Variants in SORCS1 observed in about 807,000 individuals in gnomAD.
SORCS1 encodes the protein sortilin related VPS10 domain containing receptor 1.
Under a neutral mutation model 146.1 loss-of-function variants are expected in SORCS1, and 60 were observed. The ratio of observed to expected loss-of-function variants is 0.41; its 90% CI spans 0.33 to 0.51. The LOEUF (loss-of-function observed/expected upper bound fraction) is 0.51, where lower values mean the gene tolerates loss of function less well. Among genes scored for constraint, SORCS1 ranks in the 20% least tolerant of loss-of-function variants. The pLI is 0.21. For synonymous variants in SORCS1, 637 were observed against 584.0 expected, an observed-to-expected ratio of 1.09 and a Z score of -1.31; for missense variants, 1,352 against 1,487.6, an observed-to-expected ratio of 0.91 and a Z score of 1.50.
chr10:107,150,893 A>T (rs1206511524), intron 1 of SORCS1, among the ~76,000 whole-genome samples: 3 of 152,202 alleles, frequency 2.0e-5, no homozygotes, highest in Admixed American at 6.5e-5. Context: ...GCCATGCTGA[A>T]CTGTGAGTCA....
At chr10:106,753,716 G>A (rs1289897405) in intron 5 of SORCS1, among the ~76,000 whole-genome samples, 7 of 151,956 alleles carry the variant, frequency 4.6e-5, no homozygotes, top group African/African-American at 7.3e-5. Context: ...AAGGACTAGC[G>A]GTGAGGCCCA....
At chr10:107,162,826 G>A (rs925643732) in intron 1 of SORCS1, among the ~76,000 whole-genome samples, 3 of 152,204 alleles carry the variant, frequency 2.0e-5, no homozygotes, top group South Asian at 2.1e-4. Context: ...TCCAGACTGC[G>A]TAAATTGTGC....
At chr10:106,945,384 C>T (rs1281742892) in intron 2 of SORCS1, among the ~76,000 whole-genome samples, 1 of 152,064 alleles carries the variant, frequency 6.6e-6, no homozygotes, top group Non-Finnish European at 1.5e-5. Context: ...ACTCAAATAG[C>T]ACTTAATTTT....
intron 2 of SORCS1, among the ~76,000 whole-genome samples, chr10:106,904,196 T>C (rs1158933523): frequency 6.6e-6 from 1 of 152,226 alleles, no homozygotes; most frequent in Non-Finnish European, 1.5e-5. Context: ...ATTATTTATC[T>C]TATAGGTGGT....
rs545972222 is a variant in SORCS1, at chr10:106,926,890, G to C, written c.626+29623C>G. Among the ~76,000 whole-genome samples the C allele has an allele frequency of 1.7e-3, 264 of 151,090 alleles. 4 individuals carry two copies. The highest frequency in any genetic ancestry group is 5.7e-3 in the African/African-American group (233 of 40,794). On this transcript the variant is annotated intron_variant, in intron 2 of 25. Coordinates refer to ENST00000263054, the MANE Select transcript of SORCS1 (RefSeq NM_052918.5). ...ACAGAGAGAGAGAGAGAGAGAGAGA[G>C]AGAGAGAGAATGACAAATGTCTATG...
chr10:106,652,476 C>T lies in SORCS1; in HGVS notation c.2381G>A (p.Gly794Glu), dbSNP rs201480034. The T allele has an allele frequency of 4.8e-5, 77 of 1,613,998 alleles. No individual in the cohort carries two copies. In the African/African-American group the frequency reaches 9.2e-4, roughly 19 times the overall value. The change falls in exon 18 of 26, where the codon GGG (glycine) becomes GAG (glutamate). Residue 794 changes from glycine (G) to glutamate (E), a missense_variant. Gly to Glu is a moderately conservative substitution (Grantham distance 98, BLOSUM62 -2). Around this residue, in one of 3 missense-constraint regions of SORCS1, gnomAD observed 648 missense variants for 793.8 expected, o/e 0.82. Transcript: ENST00000263054. ...TATCCGCAGCCCCCGCGGGGCTTTC[C>T]CTGGGCACTTCTGCGGTTTGGCAGT... ...QYTAKPQKCP[G>E]KAPRGLRIVT...
chr10:106,734,262 G>T (rs1348961994), intron 5 of SORCS1, among the ~76,000 whole-genome samples: 1 of 152,086 alleles, frequency 6.6e-6, no homozygotes, highest in Non-Finnish European at 1.5e-5. Context: ...TGTACATCCT[G>T]GTGTCTGCCT....
rs1314005396 is a variant in SORCS1 at position 106,927,043 on chromosome 10, G to A, written c.626+29470C>T. On this transcript the variant is annotated intron_variant, in intron 2 of 25. Transcript: ENST00000263054. ...TGTCACCACAGTTTTTTGGAGGTAG[G>A]TACTTGGATGAGAGTGACAGGATAG... Among the ~76,000 whole-genome samples the A allele has an allele frequency of 2.0e-5, 3 of 152,094 alleles. No homozygotes were observed. The East Asian group carries it at 5.8e-4, about 29-fold the overall frequency.
At chr10:106,822,956 T>C (rs1170210390) in intron 3 of SORCS1, among the ~76,000 whole-genome samples, 1 of 151,952 alleles carries the variant, frequency 6.6e-6, no homozygotes, top group Non-Finnish European at 1.5e-5. Flanking sequence ...AATTTTTTTG[T>C]ATTTTTAGTA....
At position 106,688,226 on chromosome 10, in the gene SORCS1, G is replaced by C; in HGVS notation, c.1526C>G (p.Thr509Arg). The change falls in exon 10 of 26, where the codon ACG (threonine) becomes AGG (arginine). Residue 509 changes from threonine (T) to arginine (R), a missense_variant. Around this residue, in one of 3 missense-constraint regions of SORCS1, gnomAD observed 648 missense variants for 793.8 expected, o/e 0.82. Transcript: ENST00000263054. ...GTGCACGGGGTCCCCCCTTAGATCCGTGTCCGGCGCCTGCAGCAAACGCCA... is the reference window on the plus strand; with the variant it reads ...GTGCACGGGGTCCCCCCTTAGATCCCTGTCCGGCGCCTGCAGCAAACGCCA... The part of the protein sequence containing the change: ...RDWRLLQAPD[T>R]DLRGDPVHCL... The C allele has an allele frequency of 1.2e-6, 2 of 1,613,962 alleles. No homozygotes were observed. The highest frequency in any genetic ancestry group is 2.2e-5 in the South Asian group (2 of 91,066).
intron 1 of SORCS1, among the ~76,000 whole-genome samples, chr10:107,156,122 T>C (rs1012553149): frequency 1.3e-5 from 2 of 152,144 alleles, no homozygotes; most frequent in African/African-American, 2.4e-5. Flanking sequence ...CCCCCCAAGA[T>C]ATGTCATTCA....
intron 17 of SORCS1, among the ~76,000 whole-genome samples, chr10:106,662,196 A>AATCC (rs1333553890): frequency 6.6e-6 from 1 of 152,246 alleles, no homozygotes; most frequent in Non-Finnish European, 1.5e-5. Flanking sequence ...GGGCACAATA[A>AATCC]TAACCGATGC....
chr10:107,034,707 A>AAAAAAAAAAAAAAAAAAAAAAAAT (rs1958819089), intron 1 of SORCS1, among the ~76,000 whole-genome samples: 1 of 146,238 alleles, frequency 6.8e-6, no homozygotes, highest in African/African-American at 2.5e-5. Flanking sequence ...AAAAAAAAAA[A>AAAAAAAAAAAAAAAAAAAAAAAAT]CAATGTTCAT....
At chr10:106,620,661 A>C (rs774118975) in intron 19 of SORCS1, 100 bp from the exon 20 acceptor site, 170 of 1,416,054 alleles carry the variant, frequency 1.2e-4, no homozygotes, top group Non-Finnish European at 1.5e-4. Flanking sequence ...TGAAGCCCCC[A>C]AAACCTGGCT....
intron 16 of SORCS1, among the ~76,000 whole-genome samples, chr10:106,670,797 G>A (rs1365424301): frequency 2.0e-5 from 3 of 151,330 alleles, no homozygotes; most frequent in South Asian, 2.1e-4. Context: ...GGGTTCAAGC[G>A]ATTCTCCTGC....
chr10:106,946,461 T>C (rs1462246247), intron 2 of SORCS1, among the ~76,000 whole-genome samples: 1 of 152,208 alleles, frequency 6.6e-6, no homozygotes, highest in Non-Finnish European at 1.5e-5. Flanking sequence ...CATGTTAGTG[T>C]GTAAGTCTCA....
At chr10:106,815,696 T>A (rs1302728106) in intron 3 of SORCS1, among the ~76,000 whole-genome samples, 1 of 152,200 alleles carries the variant, frequency 6.6e-6, no homozygotes, top group Non-Finnish European at 1.5e-5. Context: ...TCTCGGGAAT[T>A]TTTAAGCCCT....
intron 1 of SORCS1, among the ~76,000 whole-genome samples, chr10:107,057,954 G>A (rs976227820): frequency 3.9e-5 from 6 of 152,154 alleles, no homozygotes; most frequent in African/African-American, 1.4e-4. Context: ...AAGAAACTGG[G>A]ACTACAGGCA....
intron 1 of SORCS1, among the ~76,000 whole-genome samples, chr10:107,018,778 T>G (rs1042378533): frequency 1.1e-4 from 16 of 152,352 alleles, no homozygotes; most frequent in African/African-American, 3.8e-4. Context: ...GATGGTTTTA[T>G]AGAAATGTTT....
Sources: gnomAD v4.1 joint callset for allele counts (sites outside exome capture counted in the v4.1 genomes callset) on GRCh38, gnomAD v4.1.1 for gene constraint, gnomAD v4.1.1 regional missense constraint, MANE v1.5 for transcripts, NCBI Gene and HGNC (gene_info 2026-07-23, HGNC 2026-07-21) for gene names.